The following PRPF18 variants were observed in gnomAD, a reference collection of about 807,000 sequenced individuals.
The protein encoded by PRPF18 is pre-mRNA-splicing factor 18.
In PRPF18, 38 loss-of-function variants were observed where a neutral mutation model predicts 46.5. That is an observed-to-expected ratio of 0.82 (90% CI 0.63 to 1.07). The LOEUF (loss-of-function observed/expected upper bound fraction) is 1.07. Ranked by LOEUF, PRPF18 falls within the 50% of genes least tolerant of loss-of-function variation. PRPF18 has a pLI of 0.00. For missense variants in PRPF18, 263 were observed against 410.0 expected (o/e 0.64, Z 3.10); for synonymous variants, 152 against 146.7 (o/e 1.04, Z -0.26).
chr10:13,633,855 G>A (rs2080611834), downstream of PRPF18, among the ~76,000 whole-genome samples: 1 of 152,198 alleles, frequency 6.6e-6, no homozygotes, highest in African/African-American at 2.4e-5. Flanking sequence ...TGACGCAAGA[G>A]CTTCCAGCTG....
rs773896952 is a variant in PRPF18, at chr10:13,610,112, A to G, written c.437A>G (p.Gln146Arg). The change falls in exon 5 of 10, where the codon CAG becomes CGG. Residue 146 changes from glutamine (Q) to arginine (R), a missense_variant. Gln to Arg is a conservative substitution (Grantham distance 43). Transcript: ENST00000378572. ...TACCTCAATGAAATCGTCGGCGGTC[A>G]GGAGCCTGGAGAGGAAGACACACAG... is the stretch of plus-strand genomic sequence containing the variant. ...QQYLNEIVGG[Q>R]EPGEEDTQND... 2 of 1,614,072 alleles carry G rather than the reference A, an allele frequency of 1.2e-6. No individual in the cohort carries two copies. The highest frequency in any genetic ancestry group is 2.2e-5 in the South Asian group (2 of 91,072).
chr10:13,652,826 G>C, the PRPF18 span: 3 of 152,126 alleles, frequency 2.0e-5, no homozygotes, highest in Non-Finnish European at 2.9e-5. Flanking sequence ...CCAGAGTTTT[G>C]GATTTTTTTT....
chr10:13,622,872 T>C (rs1486962646), intron 9 of PRPF18, among the ~76,000 whole-genome samples: 1 of 152,174 alleles, frequency 6.6e-6, no homozygotes, highest in African/African-American at 2.4e-5. Context: ...GTTGTTTCGA[T>C]GAATTCAGTT....
rs540287747 is a variant in PRPF18 at position 13,587,902 on chromosome 10, T to G, written c.66+750T>G. 7.9e-5 allele frequency among the ~76,000 whole-genome samples: 12 copies of G among 152,334 alleles called. No homozygotes were observed. In the South Asian group the frequency reaches 2.1e-3, roughly 26 times the overall value. On this transcript the variant is annotated intron_variant, in intron 1 of 9. Transcript: ENST00000378572. ...ACCCGGGCAACTTACACTCACGGCCTTCTTTCCGGTAACCACTTGGGAGCC... is the reference window on the plus strand; with the variant it reads ...ACCCGGGCAACTTACACTCACGGCCGTCTTTCCGGTAACCACTTGGGAGCC...
the PRPF18 span, chr10:13,641,754 T>G: frequency 6.6e-6 from 1 of 152,232 alleles, no homozygotes; most frequent in Admixed American, 6.5e-5. Context: ...TGATATTAGA[T>G]GAGAACAGAG....
At chr10:13,654,204 G>A in the PRPF18 span, 1 of 596,242 alleles carries the variant, frequency 1.7e-6, no homozygotes, top group Non-Finnish European at 3.0e-6. Context: ...TACTTTAAGA[G>A]AACACAGACA....
At chr10:13,597,830 G>T (rs185589972) in intron 2 of PRPF18, among the ~76,000 whole-genome samples, 32 of 150,948 alleles carry the variant, frequency 2.1e-4, no homozygotes, top group Non-Finnish European at 4.3e-4. Flanking sequence ...TCCTGAATCT[G>T]AGACTGCGTT....
intron 3 of PRPF18, among the ~76,000 whole-genome samples, chr10:13,604,277 G>T (rs2080154615): frequency 6.6e-6 from 1 of 152,010 alleles, no homozygotes; most frequent in East Asian, 1.9e-4. Flanking sequence ...AAAGCTCTTG[G>T]TGTTTCTCAT....
chr10:13,634,455 C>G (rs903038456), downstream of PRPF18, among the ~76,000 whole-genome samples: 1 of 152,236 alleles, frequency 6.6e-6, no homozygotes, highest in African/African-American at 2.4e-5. Flanking sequence ...AGAGTCACTC[C>G]TGCAATCCGC....
At position 13,622,392 on chromosome 10, in the gene PRPF18, G is replaced by A. The variant is rs561595601; in HGVS notation, c.948+5839G>A. Among the ~76,000 whole-genome samples, 9 of 152,240 alleles carry A rather than the reference G, an allele frequency of 5.9e-5. No homozygotes were observed. The East Asian group carries it at 1.7e-3, about 29-fold the overall frequency. On this transcript the variant is annotated intron_variant, in intron 9 of 9. Transcript: ENST00000378572. ...GCTGGCAGCTTAGTTGATGGTAAAG[G>A]GCATTTTACTGTAGAGTATTACATC...
At chr10:13,610,630 T>C (rs2080256560) in intron 5 of PRPF18, among the ~76,000 whole-genome samples, 1 of 152,252 alleles carries the variant, frequency 6.6e-6, no homozygotes, top group Non-Finnish European at 1.5e-5. Context: ...CGCCATTCAC[T>C]GCATTTGACT....
chr10:13,651,258 C>T, the PRPF18 span: 2 of 152,302 alleles, frequency 1.3e-5, no homozygotes, highest in African/African-American at 4.8e-5. Context: ...GTGCTCATAG[C>T]TTTTGGTACT....
chr10:13,614,026 TGA>T lies in PRPF18; in HGVS notation c.733_734del (p.Asp245TyrfsTer2). On this transcript the variant is annotated frameshift_variant, in exon 8 of 10. Coordinates refer to ENST00000378572, the MANE Select transcript of PRPF18 (RefSeq NM_003675.4). LOFTEE classifies it high-confidence loss of function. ...TTTATTTTTTTCAGAATCTTCCTGC[TGA>T]TATTAAAGAATCAATAACGGATATT... ...RKLRKRNLPA[D>X]IKESITDIIK... The T allele has an allele frequency of 6.3e-7, 1 of 1,588,392 alleles. No individual in the cohort carries two copies. The highest frequency in any genetic ancestry group is 1.3e-5 in the African/African-American group (1 of 74,090).
chr10:13,610,580 A>T (rs185387528), intron 5 of PRPF18, among the ~76,000 whole-genome samples: 1 of 152,228 alleles, frequency 6.6e-6, no homozygotes, highest in Non-Finnish European at 1.5e-5. Flanking sequence ...TGTACACTGA[A>T]TCCTTTGCTT....
At position 13,587,028 on chromosome 10, in the gene PRPF18, A is replaced by C; in HGVS notation, c.-59A>C. 6.4e-7 allele frequency: 1 copy of C among 1,572,072 alleles called. No individual in the cohort carries two copies. The highest frequency in any genetic ancestry group is 1.1e-5 in the South Asian group (1 of 90,162). ...TCAGTGGGTTCGCGGCCGCCGGCCC[A>C]GTGAGGCTGGGTTCGAGGAGCTGGA... On this transcript the variant is annotated 5_prime_UTR_variant, in exon 1 of 10. Coordinates refer to ENST00000378572, the MANE Select transcript of PRPF18 (RefSeq NM_003675.4).
At chr10:13,593,463 C>T (rs78527547) in intron 1 of PRPF18, among the ~76,000 whole-genome samples, 2,369 of 152,290 alleles carry the variant, frequency 0.016, 55 homozygotes, top group African/African-American at 0.051. Flanking sequence ...TGGATGTCCA[C>T]ATGCTGTGGG....
chr10:13,588,375 C>A (rs2079907586), intron 1 of PRPF18, among the ~76,000 whole-genome samples: 1 of 151,486 alleles, frequency 6.6e-6, no homozygotes, highest in African/African-American at 2.4e-5. Flanking sequence ...CCACTGCACT[C>A]CTGCCTGGGC....
At chr10:13,618,356 G>GGT (rs2080374405) in intron 9 of PRPF18, among the ~76,000 whole-genome samples, 1 of 152,066 alleles carries the variant, frequency 6.6e-6, no homozygotes, top group African/African-American at 2.4e-5. Flanking sequence ...GGCTGAGCAT[G>GGT]GTGGCTCACA....
the PRPF18 span, chr10:13,639,679 A>T: frequency 6.6e-6 from 1 of 152,200 alleles, no homozygotes; most frequent in Non-Finnish European, 1.5e-5. Flanking sequence ...TCTAGCCAGG[A>T]CTCAGGATAA....
Sources: gnomAD v4.1 joint callset for allele counts (sites outside exome capture counted in the v4.1 genomes callset) on GRCh38, gnomAD v4.1.1 for gene constraint, MANE v1.5 for transcripts, NCBI Gene and HGNC (gene_info 2026-07-23, HGNC 2026-07-21) for gene names.